The following EIF4G3 variants were observed in gnomAD, a reference collection of about 807,000 sequenced individuals.
EIF4G3 encodes the protein eIF-4-gamma 3.
A neutral mutation model predicts 186.4 loss-of-function variants in EIF4G3; 34 were observed. The observed-to-expected ratio is 0.18, with a 90% CI of 0.14 to 0.24. The LOEUF (loss-of-function observed/expected upper bound fraction) is 0.24, where lower values mean the gene tolerates loss of function less well. Among genes scored for constraint, EIF4G3 ranks in the 10% least tolerant of loss-of-function variants. EIF4G3 has a pLI of 1.00. For synonymous variants in EIF4G3, 673 were observed against 679.5 expected (o/e 0.99, Z 0.15); for missense variants, 1,536 against 1,948.5 (o/e 0.79, Z 3.99).
intron 25 of EIF4G3, among the ~76,000 whole-genome samples, chr1:20,857,162 C>CAAA (rs577290987): frequency 0.039 from 1,861 of 47,312 alleles, 190 homozygotes; most frequent in Middle Eastern, 0.083. Flanking sequence ...GACTCCATCT[C>CAAA]AAAAAAAAAA....
Position 20,849,406 on chromosome 1 carries a change from C to G in EIF4G3, c.3888+9G>C. ...ACTGTGTGTGTGTTTTTTTTTTAAT[C>G]TCATTTACCTTAAAATCATTAATGT... On this transcript the variant is annotated intron_variant, in intron 29 of 36. Transcript: ENST00000602326. 7.1e-7 allele frequency: 1 copy of G among 1,405,830 alleles called. No individual in the cohort carries two copies. The highest frequency in any genetic ancestry group is 9.7e-7 in the Non-Finnish European group (1 of 1,034,622). The allele number at this position is 1,405,830 out of a possible 1,614,324, so 87.1% of individuals were successfully genotyped here. A position where few individuals can be genotyped will look rare whatever the true frequency, so the allele number is the denominator to read the frequency against.
At chr1:20,868,090 C>CTTTTTTTTTTTTTTTTT (rs66560662) in intron 20 of EIF4G3, among the ~76,000 whole-genome samples, 970 of 90,244 alleles carry the variant, frequency 0.011, 48 homozygotes, top group Middle Eastern at 0.031. Flanking sequence ...TGGTGATTTT[C>CTTTTTTTTTTTTTTTTT]TTTTTTTTTT....
intron 20 of EIF4G3, among the ~76,000 whole-genome samples, chr1:20,875,621 A>G (rs549904359): frequency 6.6e-6 from 1 of 152,374 alleles, no homozygotes; most frequent in South Asian, 2.1e-4. Flanking sequence ...AACATACACT[A>G]AAGAAATAAA....
intron 2 of EIF4G3, among the ~76,000 whole-genome samples, chr1:21,159,005 G>GA (rs139294021): frequency 8.7e-5 from 13 of 149,964 alleles, no homozygotes; most frequent in African/African-American, 1.2e-4. Context: ...AGAAAAAAAA[G>GA]AAAAAAAAAC....
chr1:21,150,224 C>T (rs2097528290), intron 2 of EIF4G3, among the ~76,000 whole-genome samples: 1 of 152,152 alleles, frequency 6.6e-6, no homozygotes, highest in South Asian at 2.1e-4. Flanking sequence ...TGCTGCAGTC[C>T]CAGATGAAAG....
intron 34 of EIF4G3, among the ~76,000 whole-genome samples, chr1:20,813,756 G>A (rs1266846122): frequency 6.6e-6 from 1 of 151,628 alleles, no homozygotes; most frequent in Non-Finnish European, 1.5e-5. Flanking sequence ...TGAGGCAGGA[G>A]AATCGTTTGA....
chr1:21,098,413 C>G (rs574412080), intron 2 of EIF4G3, among the ~76,000 whole-genome samples: 1 of 151,664 alleles, frequency 6.6e-6, no homozygotes, highest in African/African-American at 2.4e-5. Context: ...CATGTTAGAG[C>G]CTGTAATCCC....
intron 2 of EIF4G3, among the ~76,000 whole-genome samples, chr1:21,092,375 C>T (rs1026880868): frequency 2.0e-5 from 3 of 152,100 alleles, no homozygotes; most frequent in African/African-American, 7.2e-5. Flanking sequence ...TTTTGATGTG[C>T]TGCTGGATTC....
chr1:21,134,012 G>A (rs1454028153), intron 2 of EIF4G3, among the ~76,000 whole-genome samples: 2 of 152,146 alleles, frequency 1.3e-5, no homozygotes, highest in Non-Finnish European at 2.9e-5. Context: ...CTATGCTTAC[G>A]CCTAAATATA....
Position 21,045,006 on chromosome 1 carries a change from C to G in EIF4G3, c.-67+5860G>C, listed in dbSNP as rs191376287. Among the ~76,000 whole-genome samples the G allele has an allele frequency of 1.8e-3, 275 of 152,178 alleles. 1 individual carries two copies. The highest frequency in any genetic ancestry group is 6.4e-3 in the African/African-American group (264 of 41,534). ...AAAATTAGTCAGCCATCATGGAGCTCGCATACAGTCCCAGCTACCTGAAGA... is the reference window on the plus strand; with the variant it reads ...AAAATTAGTCAGCCATCATGGAGCTGGCATACAGTCCCAGCTACCTGAAGA... On this transcript the variant is annotated intron_variant, in intron 4 of 36. Coordinates refer to ENST00000602326, the MANE Select transcript of EIF4G3 (RefSeq NM_001391906.1).
At chr1:21,029,984 T>C (rs904393341) in intron 4 of EIF4G3, among the ~76,000 whole-genome samples, 4 of 152,132 alleles carry the variant, frequency 2.6e-5, no homozygotes, top group African/African-American at 9.7e-5. Context: ...GCCTCCCAAG[T>C]AGCTGAGACT....
intron 4 of EIF4G3, among the ~76,000 whole-genome samples, chr1:21,008,354 T>C (rs1034256679): frequency 6.6e-6 from 1 of 152,022 alleles, no homozygotes; most frequent in African/African-American, 2.4e-5. Context: ...TTTTCTTCTT[T>C]GAGACGGAGT....
chr1:21,068,216 T>C (rs2095317516), intron 3 of EIF4G3, among the ~76,000 whole-genome samples: 1 of 150,876 alleles, frequency 6.6e-6, no homozygotes, highest in Non-Finnish European at 1.5e-5. Flanking sequence ...CTACTAAAAA[T>C]ACAAAAAATT....
chr1:20,816,225 T>G (rs1303450152), intron 34 of EIF4G3, among the ~76,000 whole-genome samples: 6 of 35,596 alleles, frequency 1.7e-4, no homozygotes, highest in African/African-American at 2.3e-4. Context: ...GGGAGGGAGG[T>G]GGGGGGGTCA....
intron 14 of EIF4G3, among the ~76,000 whole-genome samples, chr1:20,936,285 G>A (rs562700002): frequency 6.6e-6 from 1 of 152,312 alleles, no homozygotes; most frequent in South Asian, 2.1e-4. Flanking sequence ...TACAAACAAG[G>A]TGGAGAAAAC....
At chr1:21,173,651 G>A (rs2098038424) in intron 2 of EIF4G3, among the ~76,000 whole-genome samples, 1 of 152,066 alleles carries the variant, frequency 6.6e-6, no homozygotes, top group Non-Finnish European at 1.5e-5. Context: ...TTACACCACT[G>A]CACTCCAGCC....
chr1:21,027,757 C>A (rs2092321038), intron 4 of EIF4G3, among the ~76,000 whole-genome samples: 1 of 152,068 alleles, frequency 6.6e-6, no homozygotes, highest in South Asian at 2.1e-4. Flanking sequence ...ATAGGAATAA[C>A]CATACAGTTC....
chr1:20,886,930 T>C (rs2084364952), intron 18 of EIF4G3, among the ~76,000 whole-genome samples: 1 of 152,226 alleles, frequency 6.6e-6, no homozygotes, highest in African/African-American at 2.4e-5. Context: ...TTTATTTGTC[T>C]GCTCTGTTCC....
chr1:21,103,392 T>A (rs913967262), intron 2 of EIF4G3, among the ~76,000 whole-genome samples: 6 of 152,180 alleles, frequency 3.9e-5, no homozygotes, highest in Admixed American at 2.6e-4. Context: ...CTTCTACAAA[T>A]CCTGTTTTAA....
Sources: gnomAD v4.1 joint callset for allele counts (sites outside exome capture counted in the v4.1 genomes callset) on GRCh38, gnomAD v4.1.1 for gene constraint, MANE v1.5 for transcripts, NCBI Gene and HGNC (gene_info 2026-07-23, HGNC 2026-07-21) for gene names.